The following GRID2 variants were observed in gnomAD, a reference collection of about 807,000 sequenced individuals.
GRID2 encodes the protein glutamate receptor ionotropic, delta-2.
A neutral mutation model predicts 114.8 loss-of-function variants in GRID2; 33 were observed. The observed-to-expected ratio is 0.29, with a 90% confidence interval of 0.22 to 0.38. The LOEUF is 0.38. Ranked by LOEUF, GRID2 falls within the 10% of genes least tolerant of loss-of-function variation. The pLI is 1.00. For missense variants in GRID2, 1,184 were observed against 1,257.7 expected (o/e 0.94, Z 0.89); for synonymous variants, 505 against 449.9 (o/e 1.12, Z -1.55).
chr4:93,339,482 G>C (rs1425919859), intron 8 of GRID2, among the ~76,000 whole-genome samples: 1 of 152,086 alleles, frequency 6.6e-6, no homozygotes, highest in Non-Finnish European at 1.5e-5. Context: ...CCAAAAGCTA[G>C]GAAGAGGCAA....
At chr4:93,387,738 G>A (rs947175111) in intron 8 of GRID2, among the ~76,000 whole-genome samples, 4 of 150,678 alleles carry the variant, frequency 2.7e-5, no homozygotes, top group African/African-American at 9.8e-5. Flanking sequence ...GCTGAGGCAA[G>A]AGAATCGCTT....
At chr4:93,760,017 A>T (rs1352131248) in intron 14 of GRID2, among the ~76,000 whole-genome samples, 1 of 152,128 alleles carries the variant, frequency 6.6e-6, no homozygotes, top group African/African-American at 2.4e-5. Context: ...GCCTTGGGAA[A>T]CTTTTCTTCA....
chr4:93,146,363 A>G (rs1162443913), intron 4 of GRID2, among the ~76,000 whole-genome samples: 2 of 152,200 alleles, frequency 1.3e-5, no homozygotes, highest in African/African-American at 4.8e-5. Flanking sequence ...TTCAATTTTG[A>G]TAAAAATTGA....
chr4:93,133,752 G>A (rs555808894), intron 4 of GRID2, among the ~76,000 whole-genome samples: 49 of 152,088 alleles, frequency 3.2e-4, no homozygotes, highest in African/African-American at 9.9e-4. Context: ...GCTATGCACG[G>A]GTGAAGAAAG....
intron 3 of GRID2, among the ~76,000 whole-genome samples, chr4:93,086,303 T>C (rs2149323424): frequency 6.6e-6 from 1 of 152,286 alleles, no homozygotes; most frequent in Non-Finnish European, 1.5e-5. Context: ...TGCAAATAAG[T>C]AAATAAACAT....
chr4:92,874,582 G>T (rs2149449706), intron 2 of GRID2, among the ~76,000 whole-genome samples: 1 of 152,164 alleles, frequency 6.6e-6, no homozygotes, highest in East Asian at 1.9e-4. Context: ...CATTACTTTT[G>T]AAAGCGAAGT....
chr4:93,572,135 A>G (rs17020784), intron 13 of GRID2, among the ~76,000 whole-genome samples: 5,358 of 152,234 alleles, frequency 0.035, 102 homozygotes, highest in African/African-American at 0.051. Context: ...TGTTCATTTT[A>G]TTCAGAACTT....
chr4:93,243,078 T>C (rs935953567), intron 8 of GRID2, among the ~76,000 whole-genome samples: 2 of 152,182 alleles, frequency 1.3e-5, no homozygotes, highest in Admixed American at 6.6e-5. Context: ...ATTTATTCCA[T>C]GGTACCTTGT....
chr4:93,266,693 T>C (rs999031459), intron 8 of GRID2, among the ~76,000 whole-genome samples: 2 of 152,098 alleles, frequency 1.3e-5, no homozygotes, highest in Non-Finnish European at 2.9e-5. Context: ...GGATTACAGG[T>C]GTATTATCAA....
intron 2 of GRID2, among the ~76,000 whole-genome samples, chr4:93,002,575 A>G (rs1241216521): frequency 1.3e-5 from 2 of 151,858 alleles, no homozygotes; most frequent in Non-Finnish European, 2.9e-5. Context: ...AATTTGGTCA[A>G]AAGAGAAAAT....
intron 2 of GRID2, among the ~76,000 whole-genome samples, chr4:92,912,848 T>TTA (rs1284332957): frequency 1.6e-4 from 24 of 151,806 alleles, no homozygotes; most frequent in South Asian, 2.1e-4. Context: ...ACACGTATGT[T>TTA]TACACATAAC....
intron 13 of GRID2, among the ~76,000 whole-genome samples, chr4:93,528,543 A>G (rs189399948): frequency 6.6e-6 from 1 of 152,052 alleles, no homozygotes; most frequent in East Asian, 1.9e-4. Context: ...AAGAGGCACT[A>G]TTTTGGCTAA....
rs888517604 is a variant in GRID2, at chr4:93,316,248, GA to G, written c.1245+77766del. Among the ~76,000 whole-genome samples the G allele has an allele frequency of 3.6e-5, 5 of 138,380 alleles. No individual in the cohort carries two copies. The East Asian group carries it at 8.4e-4, about 23-fold the overall frequency. The allele number at this position is 138,380 out of a possible 152,430, so 90.8% of individuals were successfully genotyped here. A position where few individuals can be genotyped will look rare whatever the true frequency, so the allele number is the denominator to read the frequency against. On this transcript the variant is annotated intron_variant, in intron 8 of 15. Coordinates refer to ENST00000282020, the MANE Select transcript of GRID2 (RefSeq NM_001510.4). ...GGCTTGTTGCATTTCAACAAGGCAAGAAAAAAAAGAAAGAAAGAGAAAGAAA... is the reference window on the plus strand; with the variant it reads ...GGCTTGTTGCATTTCAACAAGGCAAGAAAAAAAGAAAGAAAGAGAAAGAAA...
intron 8 of GRID2, among the ~76,000 whole-genome samples, chr4:93,383,234 C>T (rs929852738): frequency 1.3e-5 from 2 of 152,076 alleles, no homozygotes; most frequent in Non-Finnish European, 2.9e-5. Context: ...CTACCTAGCC[C>T]TTCGTCTACA....
At chr4:92,547,054 T>C (rs1415206699) in intron 1 of GRID2, among the ~76,000 whole-genome samples, 1 of 152,170 alleles carries the variant, frequency 6.6e-6, no homozygotes, top group Non-Finnish European at 1.5e-5. Flanking sequence ...TTGTATCCTT[T>C]GAGAATTGCT....
chr4:92,608,995 A>G (rs1729589848), intron 2 of GRID2, among the ~76,000 whole-genome samples: 1 of 151,840 alleles, frequency 6.6e-6, no homozygotes, highest in African/African-American at 2.4e-5. Flanking sequence ...AGCAAATAAA[A>G]GACATAAATA....
intron 1 of GRID2, among the ~76,000 whole-genome samples, chr4:93,780,126 G>A (rs1237864803): frequency 1.3e-5 from 2 of 152,250 alleles, no homozygotes; most frequent in Admixed American, 1.3e-4. Context: ...GTGCTGTGGA[G>A]GAAAACAAAG....
intron 8 of GRID2, among the ~76,000 whole-genome samples, chr4:93,342,461 T>A (rs1163938601): frequency 1.3e-5 from 2 of 152,190 alleles, no homozygotes; most frequent in Non-Finnish European, 2.9e-5. Flanking sequence ...ATTATTATCA[T>A]TCCCCCTCCT....
intron 2 of GRID2, among the ~76,000 whole-genome samples, chr4:92,994,429 T>C (rs558928588): frequency 1.3e-5 from 2 of 152,228 alleles, no homozygotes; most frequent in South Asian, 2.1e-4. Context: ...CTTGGCTCAC[T>C]GCAACCTCTG....
Sources: allele counts gnomAD v4.1 joint callset (sites outside exome capture counted in the v4.1 genomes callset), GRCh38; gene constraint gnomAD v4.1.1; transcripts MANE v1.5; gene names NCBI Gene and HGNC (gene_info 2026-07-23, HGNC 2026-07-21).